KIT: variants seen among roughly 807,000 people sequenced by gnomAD.
The protein encoded by KIT is mast/stem cell growth factor receptor Kit.
In KIT, 16 loss-of-function variants were observed where a neutral mutation model predicts 105.7. The ratio of observed to expected loss-of-function variants is 0.15; its 90% confidence interval spans 0.10 to 0.23. The LOEUF (loss-of-function observed/expected upper bound fraction) is 0.23, where lower values mean the gene tolerates loss of function less well. Ranked by LOEUF, KIT falls within the 10% of genes least tolerant of loss-of-function variation. KIT has a pLI of 1.00. For synonymous variants in KIT, 438 were observed against 441.1 expected (o/e 0.99, Z 0.09); for missense variants, 858 against 1,213.8 (o/e 0.71, Z 4.36).
At position 54,731,935 on chromosome 4, in the gene KIT, A is replaced by G; in HGVS notation, c.2298A>G (p.Leu766=). 6.2e-7 allele frequency: 1 copy of G among 1,613,706 alleles called. No homozygotes were observed. Residue 766 remains leucine, a synonymous_variant, in exon 16 of 21, where the codon TTA becomes TTG. Transcript: ENST00000288135. ...IMEDDELALD[L]EDLLSFSYQV... The stretch of plus-strand genomic sequence containing the variant: ...AGGATGACGAGTTGGCCCTAGACTT[A>G]GAAGACTTGCTGAGCTTTTCTTACC...
chr4:54,726,902 T>G (rs1722256544), intron 9 of KIT, among the ~76,000 whole-genome samples: 1 of 152,182 alleles, frequency 6.6e-6, no homozygotes, highest in African/African-American at 2.4e-5. Context: ...TTTTTAAAGT[T>G]GTACAAGGCA....
intron 16 of KIT, 114 bp downstream of exon 16, chr4:54,732,112 T>C: frequency 8.1e-7 from 1 of 1,234,320 alleles, no homozygotes; most frequent in East Asian, 2.5e-5. Context: ...ATGCAGAATG[T>C]CATTTTGAAG....
chr4:54,689,173 C>T (rs1481633745), intron 1 of KIT, among the ~76,000 whole-genome samples: 3 of 152,170 alleles, frequency 2.0e-5, no homozygotes, highest in Non-Finnish European at 1.5e-5. Context: ...TTTAGTTGAG[C>T]GACCCATATA....
At chr4:54,693,820 C>T (rs1719873938) in intron 1 of KIT, among the ~76,000 whole-genome samples, 1 of 152,060 alleles carries the variant, frequency 6.6e-6, no homozygotes, top group Non-Finnish European at 1.5e-5. Context: ...ACCTTGCCTT[C>T]TGCCTCCTCA....
chr4:54,699,880 G>C, intron 4 of KIT, 114 bp downstream of exon 4: 2 of 1,111,676 alleles, frequency 1.8e-6, no homozygotes, highest in South Asian at 2.5e-5. Flanking sequence ...GTCAGAGGTG[G>C]ATTGTCTGGG....
In KIT at chr4:54,738,432, T is replaced by C. The variant is rs1304063923; in HGVS notation, c.2806T>C (p.Tyr936His). 6 of 1,613,984 alleles carry C rather than the reference T, an allele frequency of 3.7e-6. No individual in the cohort carries two copies. The highest frequency in any genetic ancestry group is 5.1e-6 in the Non-Finnish European group (6 of 1,179,992). Residue 936 changes from tyrosine to histidine, a missense_variant, in exon 21 of 21, where the codon TAC becomes CAC. By Grantham distance (83) the Tyr-to-His change is moderately conservative (BLOSUM62 2). Transcript: ENST00000288135. The stretch of plus-strand genomic sequence containing the variant: ...ACTATGGGCTTGTTTTCTCCAGATT[T>C]ACTCCAACTTAGCAAACTGCAGCCC... The part of the protein sequence containing the change: ...KQISESTNHI[Y>H]SNLANCSPNR...
chr4:54,714,748 G>A (rs986798311), intron 7 of KIT, among the ~76,000 whole-genome samples: 3 of 152,126 alleles, frequency 2.0e-5, no homozygotes, highest in Non-Finnish European at 2.9e-5. Flanking sequence ...CGGTATTTAC[G>A]GATCATAAAT....
rs1368423947 is a variant in KIT at position 54,699,907 on chromosome 4, A to G, written c.756+141A>G. The G allele has an allele frequency of 9.6e-6, 8 of 835,468 alleles. No homozygotes were observed. The Admixed American group carries it at 1.1e-4, about 12-fold the overall frequency. 51.8% of individuals were successfully genotyped at this position (835,468 alleles called of 1,614,324 possible). On this transcript the variant is annotated intron_variant, in intron 4 of 20. Coordinates refer to ENST00000288135, the MANE Select transcript of KIT (RefSeq NM_000222.3). ...TTGTCTGGGAGAGTGTTGGGATTGCATATTTCCCCCTTTCATACCTCCACA... is the reference window on the plus strand; with the variant it reads ...TTGTCTGGGAGAGTGTTGGGATTGCGTATTTCCCCCTTTCATACCTCCACA...
In KIT at chr4:54,736,501, C is replaced by T. The variant is rs1330182390; in HGVS notation, c.2488C>T (p.Arg830Ter). The T allele has an allele frequency of 6.2e-7, 1 of 1,607,524 alleles. No individual in the cohort carries two copies. The highest frequency in any genetic ancestry group is 1.7e-5 in the Admixed American group (1 of 60,008). ...DSNYVVKGNA[R>*]LPVKWMAPES... Reference sequence around the variant, plus strand: ...CTCTGTTGTGCTTCTATTACAGGCTCGACTACCTGTGAAGTGGATGGCACC... The same window carrying T: ...CTCTGTTGTGCTTCTATTACAGGCTTGACTACCTGTGAAGTGGATGGCACC... Residue 830 changes from arginine (R) to a stop codon, truncating the protein, a stop_gained, in exon 18 of 21, where the codon CGA becomes TGA. Coordinates refer to ENST00000288135, the MANE Select transcript of KIT (RefSeq NM_000222.3). LOFTEE classifies it high-confidence loss of function.
At chr4:54,697,043 A>G (rs1720119639) in intron 2 of KIT, among the ~76,000 whole-genome samples, 1 of 152,240 alleles carries the variant, frequency 6.6e-6, no homozygotes, top group South Asian at 2.1e-4. Flanking sequence ...TCTTGGAACT[A>G]TCCTTAATTA....
In KIT at chr4:54,725,823, G is replaced by C. The variant is rs377164771; in HGVS notation, c.1347-34G>C. 42 of 1,590,108 alleles carry C rather than the reference G, an allele frequency of 2.6e-5. No individual in the cohort carries two copies. In the Middle Eastern group the frequency reaches 5.0e-4, roughly 19 times the overall value. On this transcript the variant is annotated intron_variant, in intron 8 of 20. Transcript: ENST00000288135. Reference sequence around the variant, plus strand: ...TTTTATGTATTTATTTATTTTCCTAGAGTAAGCCAGGGCTTTTGTTTTCTT... The same window carrying C: ...TTTTATGTATTTATTTATTTTCCTACAGTAAGCCAGGGCTTTTGTTTTCTT...
In KIT at chr4:54,699,689, G is replaced by A. The variant is rs2109679165; in HGVS notation, c.679G>A (p.Glu227Lys). ...AGCAAGCTATCTTCTTAGGGAAGGG[G>A]AAGAATTCACAGTGACGTGCACAAT... ...SKASYLLREGEEFTVTCTIKD... is the reference protein window; with the variant it reads ...SKASYLLREGKEFTVTCTIKD... The change falls in exon 4 of 21, where the codon GAA (glutamate) becomes AAA (lysine). Residue 227 changes from glutamate (E) to lysine (K), a missense_variant. By Grantham distance (56) the Glu-to-Lys change is moderately conservative. This residue lies in a region of KIT where 401 missense variants were observed against 601.0 expected (regional missense o/e 0.67). Transcript: ENST00000288135. The A allele has an allele frequency of 1.2e-6, 2 of 1,613,948 alleles. No homozygotes were observed. The highest frequency in any genetic ancestry group is 4.5e-5 in the East Asian group (2 of 44,866).
intron 8 of KIT, among the ~76,000 whole-genome samples, chr4:54,725,102 T>TTTGTTGTTG (rs748069596): frequency 1.3e-5 from 2 of 151,896 alleles, no homozygotes; most frequent in African/African-American, 4.8e-5. Flanking sequence ...CATCCTTGAT[T>TTTGTTGTTG]TTGTTGTTGT....
At chr4:54,722,632 T>G (rs572754241) in intron 7 of KIT, among the ~76,000 whole-genome samples, 63 of 152,108 alleles carry the variant, frequency 4.1e-4, no homozygotes, top group African/African-American at 1.4e-3. Context: ...TCTTAGAGGG[T>G]TGGAATCCTT....
At chr4:54,708,520 C>T (rs905406984) in intron 6 of KIT, among the ~76,000 whole-genome samples, 7 of 152,122 alleles carry the variant, frequency 4.6e-5, no homozygotes, top group African/African-American at 1.4e-4. Context: ...GCACGGTCAA[C>T]GTCTTCCAAG....
chr4:54,716,833 T>A (rs1028086682), intron 7 of KIT, among the ~76,000 whole-genome samples: 2 of 152,216 alleles, frequency 1.3e-5, no homozygotes, highest in African/African-American at 4.8e-5. Context: ...TCTGTTGTTA[T>A]CTTTCATGCT....
chr4:54,736,252 C>T (rs533615384), intron 17 of KIT, among the ~76,000 whole-genome samples: 1 of 152,286 alleles, frequency 6.6e-6, no homozygotes, highest in East Asian at 1.9e-4. Context: ...GACGTTTGTG[C>T]TCTTAATCTC....
At chr4:54,716,637 T>C (rs578246174) in intron 7 of KIT, among the ~76,000 whole-genome samples, 22 of 152,330 alleles carry the variant, frequency 1.4e-4, no homozygotes, top group African/African-American at 4.6e-4. Context: ...TGTATGGATC[T>C]TTTATAATTT....
At chr4:54,717,681 A>G (rs1721593476) in intron 7 of KIT, among the ~76,000 whole-genome samples, 1 of 152,140 alleles carries the variant, frequency 6.6e-6, no homozygotes, top group Non-Finnish European at 1.5e-5. Flanking sequence ...TTACAGATAT[A>G]TGCAAGGTCA....
Sources: allele counts gnomAD v4.1 joint callset (sites outside exome capture counted in the v4.1 genomes callset), GRCh38; gene constraint gnomAD v4.1.1; regional missense constraint gnomAD v4.1.1; transcripts MANE v1.5; gene names NCBI Gene and HGNC (gene_info 2026-07-23, HGNC 2026-07-21).